PDZRN4: variants seen among roughly 807,000 people sequenced by gnomAD.
PDZRN4 encodes PDZ domain containing ring finger 4.
PDZRN4 carries 70 observed loss-of-function variants against 99.0 expected under a neutral mutation model. The observed-to-expected ratio is 0.71, with a 90% CI of 0.58 to 0.86. The LOEUF is 0.86. PDZRN4 is among the 40% of genes least tolerant of loss of function. The pLI is 0.00. For missense variants in PDZRN4, 1,474 were observed against 1,331.2 expected (o/e 1.11, Z -1.67); for synonymous variants, 551 against 501.6 (o/e 1.10, Z -1.32).
chr12:41,258,575 T>A (rs1203846156), intron 3 of PDZRN4, among the ~76,000 whole-genome samples: 2 of 152,076 alleles, frequency 1.3e-5, no homozygotes, highest in African/African-American at 2.4e-5. Flanking sequence ...AAATACATGA[T>A]GAAAATACAA....
intron 3 of PDZRN4, among the ~76,000 whole-genome samples, chr12:41,216,979 C>A (rs1314335888): frequency 6.6e-6 from 1 of 152,060 alleles, no homozygotes; most frequent in Non-Finnish European, 1.5e-5. Flanking sequence ...ATGAAGAAAT[C>A]AACTCCCCAA....
intron 3 of PDZRN4, among the ~76,000 whole-genome samples, chr12:41,498,592 C>T (rs564667893): frequency 7.9e-5 from 12 of 152,124 alleles, no homozygotes; most frequent in African/African-American, 2.9e-4. Context: ...TTAATCCATC[C>T]GTCAGTGCAG....
intron 3 of PDZRN4, among the ~76,000 whole-genome samples, chr12:41,371,380 G>A (rs889434452): frequency 1.2e-4 from 18 of 151,882 alleles, no homozygotes; most frequent in Non-Finnish European, 2.4e-4. Context: ...AGAATTCCAG[G>A]AAAATAGCAG....
chr12:41,496,118 ATACT>A (rs922943780), intron 3 of PDZRN4, among the ~76,000 whole-genome samples: 2 of 152,164 alleles, frequency 1.3e-5, no homozygotes, highest in Non-Finnish European at 2.9e-5. Context: ...TGGGGATAAC[ATACT>A]TACCTCCCAT....
At chr12:41,349,400 A>C (rs1951875421) in intron 3 of PDZRN4, among the ~76,000 whole-genome samples, 1 of 151,840 alleles carries the variant, frequency 6.6e-6, no homozygotes. Flanking sequence ...TCTATAGTTA[A>C]AGCTTATAGT....
intron 3 of PDZRN4, among the ~76,000 whole-genome samples, chr12:41,353,279 C>A (rs1565560109): frequency 6.6e-6 from 1 of 152,148 alleles, no homozygotes; most frequent in Non-Finnish European, 1.5e-5. Context: ...CACTCACTCA[C>A]CCATTCACTT....
intron 3 of PDZRN4, among the ~76,000 whole-genome samples, chr12:41,237,872 C>T (rs908552245): frequency 2.0e-5 from 3 of 152,112 alleles, no homozygotes; most frequent in Non-Finnish European, 2.9e-5. Context: ...TTACTAAAGC[C>T]TTGTAGTACA....
At chr12:41,273,772 G>A (rs775101370) in intron 3 of PDZRN4, among the ~76,000 whole-genome samples, 1 of 152,002 alleles carries the variant, frequency 6.6e-6, no homozygotes, top group Non-Finnish European at 1.5e-5. Context: ...AAAAACTATG[G>A]TTGATTTGCA....
intron 5 of PDZRN4, among the ~76,000 whole-genome samples, chr12:41,519,824 C>CA (rs1301305299): frequency 6.6e-6 from 1 of 152,058 alleles, no homozygotes; most frequent in Non-Finnish European, 1.5e-5. Flanking sequence ...CAGGAAGATG[C>CA]AAAGTGCTTA....
chr12:41,555,052 CAAAAAAAAAAAA>C (rs67810817), intron 6 of PDZRN4, among the ~76,000 whole-genome samples: 66,817 of 113,900 alleles, frequency 0.59, 19,196 homozygotes, highest in Middle Eastern at 0.81. Flanking sequence ...ACTAAAAATA[CAAAAAAAAAAAA>C]AAAAAAAAAA....
chr12:41,304,598 T>C (rs1202144942), intron 3 of PDZRN4, among the ~76,000 whole-genome samples: 1 of 152,208 alleles, frequency 6.6e-6, no homozygotes, highest in African/African-American at 2.4e-5. Flanking sequence ...GAAACAAGTT[T>C]TGCTACACTG....
chr12:41,269,955 G>A (rs1430189575), intron 3 of PDZRN4, among the ~76,000 whole-genome samples: 1 of 152,080 alleles, frequency 6.6e-6, no homozygotes, highest in Non-Finnish European at 1.5e-5. Context: ...TGCCATATAA[G>A]ATGAAATGTC....
chr12:41,378,520 A>ATTTTTT (rs71081733), intron 3 of PDZRN4, among the ~76,000 whole-genome samples: 1,643 of 102,708 alleles, frequency 0.016, 91 homozygotes, highest in African/African-American at 0.054. Flanking sequence ...TCTGTCTTCA[A>ATTTTTT]TTTTTTTTTT....
chr12:41,475,383 G>T (rs932623487), intron 3 of PDZRN4, among the ~76,000 whole-genome samples: 1 of 151,982 alleles, frequency 6.6e-6, no homozygotes, highest in Non-Finnish European at 1.5e-5. Context: ...ATAAATCACC[G>T]GATGTTTAAC....
At chr12:41,404,867 C>A (rs927042528) in intron 3 of PDZRN4, among the ~76,000 whole-genome samples, 1 of 151,718 alleles carries the variant, frequency 6.6e-6, no homozygotes, top group Non-Finnish European at 1.5e-5. Flanking sequence ...AAAAAACAAG[C>A]AATGGGGAAA....
At chr12:41,387,813 T>G (rs1379659971) in intron 3 of PDZRN4, among the ~76,000 whole-genome samples, 1 of 152,182 alleles carries the variant, frequency 6.6e-6, no homozygotes, top group Non-Finnish European at 1.5e-5. Context: ...AAAGGAACAC[T>G]TATACACTGA....
Position 41,194,100 on chromosome 12 carries a change from C to T in PDZRN4, c.755C>T (p.Ser252Leu), listed in dbSNP as rs771316958. 39 of 1,515,940 alleles carry T rather than the reference C, an allele frequency of 2.6e-5. No homozygotes were observed. The highest frequency in any genetic ancestry group is 2.8e-5 in the Non-Finnish European group (31 of 1,103,942). 93.9% of individuals were successfully genotyped at this position (1,515,940 alleles called of 1,614,324 possible). Reference protein sequence around the residue: ...RPNQNNQEGTSTEGIYVSKIL... With the variant: ...RPNQNNQEGTLTEGIYVSKIL... Reference sequence around the variant, plus strand: ...AAATAGAATAATCAGGAAGGAACATCGACTGAAGGAATTTACGTTTCAAAA... The same window carrying T: ...AAATAGAATAATCAGGAAGGAACATTGACTGAAGGAATTTACGTTTCAAAA... The change falls in exon 3 of 10, where the codon TCG (serine) becomes TTG (leucine). Residue 252 changes from serine (S) to leucine (L), a missense_variant. Ser to Leu is a moderately radical substitution (Grantham distance 145). Transcript: ENST00000402685.
chr12:41,311,965 C>T (rs747295657), intron 3 of PDZRN4, among the ~76,000 whole-genome samples: 9 of 152,112 alleles, frequency 5.9e-5, no homozygotes, highest in African/African-American at 1.4e-4. Context: ...CAACGTTCAT[C>T]GCTGCCAGTG....
intron 3 of PDZRN4, among the ~76,000 whole-genome samples, chr12:41,316,953 AG>A (rs1338050921): frequency 6.7e-6 from 1 of 150,146 alleles, no homozygotes; most frequent in Non-Finnish European, 1.5e-5. Flanking sequence ...ATGGTAGAAA[AG>A]CTTTTAATCA....
Sources: allele counts gnomAD v4.1 joint callset (sites outside exome capture counted in the v4.1 genomes callset), GRCh38; gene constraint gnomAD v4.1.1; transcripts MANE v1.5; gene names NCBI Gene and HGNC (gene_info 2026-07-23, HGNC 2026-07-21).